The following TEC variants were observed in gnomAD, a reference collection of about 807,000 sequenced individuals.
TEC encodes the protein tyrosine-protein kinase Tec.
A neutral mutation model predicts 93.0 loss-of-function variants in TEC; 72 were observed. The ratio of observed to expected loss-of-function variants is 0.77; its 90% CI spans 0.64 to 0.94. The LOEUF (loss-of-function observed/expected upper bound fraction) is 0.94. Among genes scored for constraint, TEC ranks in the 40% least tolerant of loss-of-function variants. TEC has a pLI of 0.00. For missense variants in TEC, 630 were observed against 757.9 expected, an observed-to-expected ratio of 0.83 and a Z score of 1.98; for synonymous variants, 249 against 247.7, an observed-to-expected ratio of 1.01 and a Z score of -0.05.
At position 48,145,421 on chromosome 4, in the gene TEC, C is replaced by T. The variant is rs1260541310; in HGVS notation, c.1240G>A (p.Ala414Thr). ...ATAGCAACTTACATCATCACTTTAG[C>T]TTCTTCTATAAAGTCCTCCTCGCAC... ...AMCEEDFIEE[A>T]KVMMKLTHPK... Residue 414 changes from alanine to threonine, a missense_variant, in exon 13 of 18, where the codon GCT becomes ACT. By Grantham distance (58) the Ala-to-Thr change is moderately conservative. Transcript: ENST00000381501. 1.2e-6 allele frequency: 2 copies of T among 1,614,138 alleles called. No individual in the cohort carries two copies. Among genetic ancestry groups the T allele is most frequent in the Admixed American group, 3.3e-5 (2 of 60,004 alleles).
chr4:48,164,360 T>C (rs1040482107), intron 7 of TEC, among the ~76,000 whole-genome samples: 11 of 152,292 alleles, frequency 7.2e-5, no homozygotes, highest in Non-Finnish European at 1.5e-4. Context: ...TGAGAAGACC[T>C]ATGTGAGGTC....
intron 1 of TEC, among the ~76,000 whole-genome samples, chr4:48,261,531 G>C (rs2109679330): frequency 6.6e-6 from 1 of 152,282 alleles, no homozygotes; most frequent in South Asian, 2.1e-4. Flanking sequence ...TAATATTGAG[G>C]AGTATGTGAG....
intron 3 of TEC, among the ~76,000 whole-genome samples, chr4:48,172,842 C>T (rs977247220): frequency 5.3e-5 from 8 of 152,150 alleles, no homozygotes; most frequent in African/African-American, 1.9e-4. Context: ...CACATTTATG[C>T]AGGCTTGCCC....
intron 3 of TEC, among the ~76,000 whole-genome samples, chr4:48,173,809 G>A (rs1010690338): frequency 2.0e-5 from 3 of 152,122 alleles, no homozygotes; most frequent in Admixed American, 1.3e-4. Context: ...CAGCTCCTGG[G>A]GATCTCCCAG....
chr4:48,213,816 T>C (rs548300414), intron 2 of TEC, among the ~76,000 whole-genome samples: 1 of 152,268 alleles, frequency 6.6e-6, no homozygotes, highest in South Asian at 2.1e-4. Flanking sequence ...GAGATAGTCT[T>C]GCTATGTTGC....
chr4:48,269,695 C>T (rs1222879405), intron 1 of TEC, 57 bp downstream of exon 1: 2 of 152,314 alleles, frequency 1.3e-5, no homozygotes, highest in Admixed American at 6.5e-5. Flanking sequence ...CCCCACCCGT[C>T]CTCGCCCGGA....
At chr4:48,260,378 G>A (rs1332756944) in intron 1 of TEC, among the ~76,000 whole-genome samples, 1 of 152,212 alleles carries the variant, frequency 6.6e-6, no homozygotes, top group African/African-American at 2.4e-5. Flanking sequence ...GAGGCCAGGA[G>A]TTCAAGACCA....
At chr4:48,263,387 A>C (rs553137841) in intron 1 of TEC, among the ~76,000 whole-genome samples, 5 of 152,334 alleles carry the variant, frequency 3.3e-5, no homozygotes, top group African/African-American at 1.2e-4. Flanking sequence ...TCAAGATGGC[A>C]GAAAGAGTCA....
intron 1 of TEC, among the ~76,000 whole-genome samples, chr4:48,241,192 T>TA (rs1723914638): frequency 6.6e-6 from 1 of 152,146 alleles, no homozygotes; most frequent in African/African-American, 2.4e-5. Flanking sequence ...GGTCCACTTA[T>TA]AATATGTAGT....
chr4:48,152,785 T>C (rs961594269), intron 9 of TEC, among the ~76,000 whole-genome samples: 9 of 152,324 alleles, frequency 5.9e-5, no homozygotes, highest in African/African-American at 2.2e-4. Context: ...CATGGTTATG[T>C]GTAGTTGTCA....
At chr4:48,175,136 A>T (rs1215051948) in intron 3 of TEC, among the ~76,000 whole-genome samples, 1 of 152,242 alleles carries the variant, frequency 6.6e-6, no homozygotes, top group Non-Finnish European at 1.5e-5. Flanking sequence ...AATTAAATGT[A>T]GCCCTTCCTC....
At chr4:48,183,361 G>T (rs1471881384) in intron 2 of TEC, among the ~76,000 whole-genome samples, 1 of 152,184 alleles carries the variant, frequency 6.6e-6, no homozygotes, top group African/African-American at 2.4e-5. Flanking sequence ...GTAGGCTAAG[G>T]GATACTCAGA....
intron 2 of TEC, among the ~76,000 whole-genome samples, chr4:48,196,455 T>G (rs1334759785): frequency 6.6e-6 from 1 of 152,226 alleles, no homozygotes; most frequent in Admixed American, 6.5e-5. Context: ...ATGATTGCAG[T>G]AAGAATTCGA....
intron 2 of TEC, among the ~76,000 whole-genome samples, chr4:48,207,886 G>T (rs757007656): frequency 2.6e-5 from 4 of 152,184 alleles, no homozygotes; most frequent in Non-Finnish European, 5.9e-5. Context: ...GATAGGAAAA[G>T]GATTTTTTAA....
intron 3 of TEC, among the ~76,000 whole-genome samples, chr4:48,174,354 T>G (rs1361134380): frequency 1.3e-5 from 2 of 152,126 alleles, no homozygotes; most frequent in Non-Finnish European, 2.9e-5. Context: ...GCATGTCTAA[T>G]AGCCATCAAA....
At chr4:48,158,100 C>T (rs1720475436) in intron 8 of TEC, among the ~76,000 whole-genome samples, 1 of 152,088 alleles carries the variant, frequency 6.6e-6, no homozygotes, top group Non-Finnish European at 1.5e-5. Flanking sequence ...TTTAAATTTC[C>T]CAGTACTGCT....
At chr4:48,186,074 G>C (rs1207841664) in intron 2 of TEC, among the ~76,000 whole-genome samples, 1 of 152,230 alleles carries the variant, frequency 6.6e-6, no homozygotes, top group African/African-American at 2.4e-5. Context: ...GGCCGGGCTG[G>C]TCTCCAGCTC....
At chr4:48,165,972 C>T (rs1307994491) in intron 7 of TEC, among the ~76,000 whole-genome samples, 2 of 152,208 alleles carry the variant, frequency 1.3e-5, no homozygotes, top group Non-Finnish European at 2.9e-5. Context: ...TTCCCTCTGA[C>T]CTGTGTTCCC....
intron 1 of TEC, among the ~76,000 whole-genome samples, chr4:48,263,528 A>G (rs1724551394): frequency 6.6e-6 from 1 of 152,180 alleles, no homozygotes; most frequent in African/African-American, 2.4e-5. Flanking sequence ...AGCCTGGCCA[A>G]CATGGTGAAA....
Sources: allele counts gnomAD v4.1 joint callset (sites outside exome capture counted in the v4.1 genomes callset), GRCh38; gene constraint gnomAD v4.1.1; transcripts MANE v1.5; gene names NCBI Gene and HGNC (gene_info 2026-07-23, HGNC 2026-07-21).